Variants in HTT observed in about 807,000 individuals in gnomAD.
HTT encodes the protein huntington disease protein.
A neutral mutation model predicts 362.3 loss-of-function variants in HTT; 104 were observed. The observed-to-expected ratio is 0.29, with a 90% CI of 0.24 to 0.34. HTT has a LOEUF of 0.34. Among genes scored for constraint, HTT ranks in the 10% least tolerant of loss-of-function variants. The pLI is 1.00. For synonymous variants in HTT, 1,577 were observed against 1,548.7 expected, an observed-to-expected ratio of 1.02 and a Z score of -0.43; for missense variants, 3,301 against 3,928.6, an observed-to-expected ratio of 0.84 and a Z score of 4.27.
chr4:3,239,084 A>G, intron 66 of HTT, 106 bp downstream of exon 66: 1 of 1,199,288 alleles, frequency 8.3e-7, no homozygotes, highest in Non-Finnish European at 1.1e-6. Context: ...AACCCCACAG[A>G]TGCCAGGGTG....
At chr4:3,105,952 C>T (rs184385971) in intron 5 of HTT, among the ~76,000 whole-genome samples, 130 of 152,346 alleles carry the variant, frequency 8.5e-4, no homozygotes, top group South Asian at 4.3e-3. Flanking sequence ...TTTTCATCAG[C>T]TCCCTCCTTC....
intron 33 of HTT, among the ~76,000 whole-genome samples, chr4:3,176,594 C>T (rs146641430): frequency 1.5e-3 from 222 of 152,272 alleles, no homozygotes; most frequent in African/African-American, 5.3e-3. Flanking sequence ...GAAGCCAGAG[C>T]CCTGATTTGT....
intron 1 of HTT, among the ~76,000 whole-genome samples, chr4:3,075,919 G>T (rs975211714): frequency 7.2e-5 from 11 of 152,164 alleles, no homozygotes; most frequent in Admixed American, 5.2e-4. Flanking sequence ...ATATTAGGAA[G>T]AGTTGATTGA....
intron 21 of HTT, among the ~76,000 whole-genome samples, chr4:3,140,273 A>G (rs1463767479): frequency 1.3e-5 from 2 of 151,684 alleles, no homozygotes; most frequent in Non-Finnish European, 2.9e-5. Flanking sequence ...AAAAAAAAAA[A>G]AAAGAAAAAA....
intron 14 of HTT, 119 bp from the exon 15 acceptor site, chr4:3,131,167 G>T (rs1715794899): frequency 2.7e-6 from 2 of 739,000 alleles, no homozygotes; most frequent in Admixed American, 2.1e-5. Flanking sequence ...ACAAACCAGG[G>T]CATCTCTTTA....
intron 56 of HTT, 26 bp downstream of exon 56, chr4:3,224,157 A>T (rs201100387): frequency 3.0e-4 from 483 of 1,612,448 alleles, no homozygotes; most frequent in Non-Finnish European, 3.9e-4. Flanking sequence ...GGTGCGGGGG[A>T]GCGGTTGTAC....
At chr4:3,202,171 T>TG (rs1719612028) in intron 41 of HTT, among the ~76,000 whole-genome samples, 1 of 152,208 alleles carries the variant, frequency 6.6e-6, no homozygotes, top group African/African-American at 2.4e-5. Flanking sequence ...GGGTGTGTTG[T>TG]GGTACACATG....
chr4:3,198,215 A>ATTTTTTTTT (rs200014691), intron 40 of HTT, among the ~76,000 whole-genome samples: 4 of 60,380 alleles, frequency 6.6e-5, no homozygotes, highest in Non-Finnish European at 9.2e-5. Flanking sequence ...GGATGTGTTG[A>ATTTTTTTTT]TTTTTTTTTT....
Position 3,135,908 on chromosome 4 carries a change from G to A in HTT, c.2638G>A (p.Val880Met). Reference protein sequence around the residue: ...ETLAEIDFRLVSFLEAKAENL... With the variant: ...ETLAEIDFRLMSFLEAKAENL... ...TTAAATGTGCTCTTTTGTTAGGCTG[G>A]TGAGCTTTTTGGAGGCAAAAGCAGA... is the stretch of plus-strand genomic sequence containing the variant. Residue 880 changes from valine to methionine, a missense_variant, in exon 20 of 67, where the codon GTG becomes ATG. By Grantham distance (21) the Val-to-Met change is conservative. Transcript: ENST00000355072. 1.2e-6 allele frequency: 2 copies of A among 1,601,640 alleles called. No homozygotes were observed. Among genetic ancestry groups the A allele is most frequent in the East Asian group, 2.3e-5 (1 of 44,244 alleles).
At chr4:3,202,464 A>T (rs1049000573) in intron 41 of HTT, among the ~76,000 whole-genome samples, 15 of 152,140 alleles carry the variant, frequency 9.9e-5, no homozygotes, top group African/African-American at 3.6e-4. Flanking sequence ...CGCTGGCAGG[A>T]CGGCCCACTG....
intron 50 of HTT, among the ~76,000 whole-genome samples, chr4:3,214,880 T>C (rs1560597034): frequency 6.6e-6 from 1 of 152,238 alleles, no homozygotes; most frequent in Non-Finnish European, 1.5e-5. Context: ...TCGAGGGACT[T>C]AGAAATCTGA....
chr4:3,170,433 C>G (rs866251218), intron 29 of HTT, among the ~76,000 whole-genome samples: 1 of 152,182 alleles, frequency 6.6e-6, no homozygotes, highest in Middle Eastern at 3.2e-3. Context: ...CAGTGACTTT[C>G]TAGCCCTGTG....
intron 16 of HTT, among the ~76,000 whole-genome samples, chr4:3,132,321 G>C (rs1313160251): frequency 6.6e-6 from 1 of 151,952 alleles, no homozygotes; most frequent in African/African-American, 2.4e-5. Flanking sequence ...TGACAACCTA[G>C]AATTATAATC....
intron 24 of HTT, among the ~76,000 whole-genome samples, chr4:3,145,708 C>T (rs930315765): frequency 6.6e-6 from 1 of 152,230 alleles, no homozygotes; most frequent in African/African-American, 2.4e-5. Flanking sequence ...AAGTCTTCTC[C>T]AGCATTCAGG....
At chr4:3,126,866 T>C (rs912970145) in intron 11 of HTT, among the ~76,000 whole-genome samples, 1 of 152,212 alleles carries the variant, frequency 6.6e-6, no homozygotes, top group Non-Finnish European at 1.5e-5. Context: ...TTGACAGTTG[T>C]TTCTGACCAC....
intron 1 of HTT, among the ~76,000 whole-genome samples, chr4:3,085,356 C>T (rs1560540465): frequency 6.6e-6 from 1 of 152,018 alleles, no homozygotes; most frequent in South Asian, 2.1e-4. Context: ...AGGCTGGTCT[C>T]GAACTCCTGA....
chr4:3,206,422 G>A lies in HTT; in HGVS notation c.5719-74G>A. On this transcript the variant is annotated intron_variant, in intron 42 of 66. Transcript: ENST00000355072. This position sits in a 1 kb window ranked among gnomAD's most constrained non-coding sequence, Gnocchi z 4.6. ...TGTTTTCTCCTTCTTACCCTTTCTG[G>A]CCTTTCTATGGCATTAATACCTGGT... is the stretch of plus-strand genomic sequence containing the variant. 2.6e-6 allele frequency: 3 copies of A among 1,143,840 alleles called. No homozygotes were observed. Among genetic ancestry groups the A allele is most frequent in the Non-Finnish European group, 3.9e-6 (3 of 764,714 alleles). The allele number at this position is 1,143,840 out of a possible 1,614,324, so 70.9% of individuals were successfully genotyped here.
At chr4:3,198,177 T>C (rs527493585) in intron 40 of HTT, among the ~76,000 whole-genome samples, 5 of 152,126 alleles carry the variant, frequency 3.3e-5, no homozygotes, top group South Asian at 4.2e-4. Context: ...ACTCTGTTTT[T>C]ACCTGTTTTA....
rs151178246 is a variant in HTT at position 3,210,077 on chromosome 4, G to A, written c.6414+128G>A. On this transcript the variant is annotated intron_variant, in intron 47 of 66. Coordinates refer to ENST00000355072, the MANE Select transcript of HTT (RefSeq NM_001388492.1). The stretch of plus-strand genomic sequence containing the variant: ...TGGGGACTCCAGTCTGGGCAGGGAC[G>A]GGATGTCGGAGAGACTCCACTCTGA... The A allele has an allele frequency of 2.1e-3, 2,573 of 1,197,110 alleles. 19 individuals are homozygous for A. Among genetic ancestry groups the A allele is most frequent in the East Asian group, 0.02 (832 of 40,758 alleles). 74.2% of individuals were successfully genotyped at this position (1,197,110 alleles called of 1,614,324 possible).
Sources: allele counts gnomAD v4.1 joint callset (sites outside exome capture counted in the v4.1 genomes callset), GRCh38; gene constraint gnomAD v4.1.1; non-coding constraint Gnocchi (gnomAD v3.1); transcripts MANE v1.5; gene names NCBI Gene and HGNC (gene_info 2026-07-23, HGNC 2026-07-21).